The following HECTD4 variants were observed in gnomAD, a reference collection of about 807,000 sequenced individuals.
The protein encoded by HECTD4 is probable E3 ubiquitin-protein ligase HECTD4.
Under a neutral mutation model 471.5 loss-of-function variants are expected in HECTD4, and 114 were observed. The ratio of observed to expected loss-of-function variants is 0.24; its 90% CI spans 0.21 to 0.28. The LOEUF is 0.28. Ranked by LOEUF, HECTD4 falls within the 10% of genes least tolerant of loss-of-function variation. HECTD4 has a pLI of 1.00. For synonymous variants in HECTD4, 2,012 were observed against 2,256.0 expected (o/e 0.89, Z 3.07); for missense variants, 3,866 against 5,651.5 (o/e 0.68, Z 10.13).
chr12:112,250,309 G>A lies in HECTD4; in HGVS notation c.3785C>T (p.Pro1262Leu). 1.2e-6 allele frequency: 2 copies of A among 1,614,004 alleles called. No individual in the cohort carries two copies. The highest frequency in any genetic ancestry group is 1.7e-6 in the Non-Finnish European group (2 of 1,179,884). The change falls in exon 25 of 76, where the codon CCT becomes CTT. Residue 1262 changes from proline (P) to leucine (L), a missense_variant. Physicochemically the swap from Pro to Leu is moderately conservative, Grantham distance 98 (BLOSUM62 -3). Coordinates refer to ENST00000682272, the MANE Select transcript of HECTD4 (RefSeq NM_001388303.1). ...PALTPSPSPL[P>L]LTIEEDREFT... ...TTCTCTGTCTTCCTCTATGGTCAGA[G>A]GCAGTGGAGAGGGGCTCGGAGTAAG...
intron 7 of HECTD4, among the ~76,000 whole-genome samples, chr12:112,291,306 A>G (rs1326418873): frequency 6.6e-6 from 1 of 152,158 alleles, no homozygotes; most frequent in Non-Finnish European, 1.5e-5. Context: ...TTTCACCCCC[A>G]CATATTTCAG....
intron 1 of HECTD4, among the ~76,000 whole-genome samples, chr12:112,377,453 C>T (rs1368674821): frequency 6.6e-6 from 1 of 152,088 alleles, no homozygotes; most frequent in Non-Finnish European, 1.5e-5. Context: ...TTATTTTATC[C>T]ACTGCTATAT....
At chr12:112,268,040 G>A (rs2034320135) in intron 13 of HECTD4, among the ~76,000 whole-genome samples, 1 of 152,080 alleles carries the variant, frequency 6.6e-6, no homozygotes, top group Admixed American at 6.6e-5. Context: ...TGCCCAGACT[G>A]GTCTCAAACT....
chr12:112,259,289 C>G, intron 18 of HECTD4, 24 bp from the exon 19 acceptor site: 1 of 1,613,036 alleles, frequency 6.2e-7, no homozygotes, highest in Non-Finnish European at 8.5e-7. Flanking sequence ...AAGAAAAACA[C>G]ACAGCCTAAG....
intron 48 of HECTD4, among the ~76,000 whole-genome samples, chr12:112,214,232 G>A (rs2032848376): frequency 6.6e-6 from 1 of 152,168 alleles, no homozygotes. Context: ...AGAGAAGCCT[G>A]TCAATTGCAT....
chr12:112,325,063 A>C (rs1438909836), intron 1 of HECTD4, among the ~76,000 whole-genome samples: 3 of 152,192 alleles, frequency 2.0e-5, no homozygotes, highest in Non-Finnish European at 2.9e-5. Flanking sequence ...ATTAAACATG[A>C]GTACTTCTGA....
At chr12:112,370,822 T>C (rs1275407759) in intron 1 of HECTD4, among the ~76,000 whole-genome samples, 1 of 152,190 alleles carries the variant, frequency 6.6e-6, no homozygotes, top group Non-Finnish European at 1.5e-5. Context: ...GTGCTTAAAA[T>C]ACAGGATCAA....
intron 1 of HECTD4, among the ~76,000 whole-genome samples, chr12:112,335,635 CCA>C (rs1292797145): frequency 6.6e-6 from 1 of 152,002 alleles, no homozygotes; most frequent in Non-Finnish European, 1.5e-5. Flanking sequence ...TTGCAGTGAG[CCA>C]AGATCACACC....
At chr12:112,263,673 A>C (rs2034197985) in intron 17 of HECTD4, among the ~76,000 whole-genome samples, 1 of 151,514 alleles carries the variant, frequency 6.6e-6, no homozygotes, top group African/African-American at 2.4e-5. Context: ...TAAACCATCT[A>C]AAATTTTGAA....
intron 1 of HECTD4, among the ~76,000 whole-genome samples, chr12:112,350,282 T>C (rs2036227517): frequency 6.6e-6 from 1 of 152,180 alleles, no homozygotes; most frequent in Non-Finnish European, 1.5e-5. Flanking sequence ...CCAAATGTCT[T>C]CTTAGAACTC....
At chr12:112,196,157 G>A (rs1178996010) in intron 55 of HECTD4, among the ~76,000 whole-genome samples, 1 of 152,110 alleles carries the variant, frequency 6.6e-6, no homozygotes, top group African/African-American at 2.4e-5. Flanking sequence ...CAAAAACCTA[G>A]GCCCCAAACT....
In HECTD4 at chr12:112,162,547, A is replaced by G. The variant is rs1161466923; in HGVS notation, c.13121-24T>C. On this transcript the variant is annotated intron_variant, in intron 75 of 75. Transcript: ENST00000682272. The surrounding 1 kb of genome is among the most constrained non-coding windows in gnomAD (Gnocchi z 5.2). ...ACCTACAAGAAACCGAGCCAGCATC[A>G]GAGGGTTGGGCCCACATCTGTGAGG... 1.2e-6 allele frequency: 2 copies of G among 1,613,700 alleles called. No homozygotes were observed. Among genetic ancestry groups the G allele is most frequent in the Non-Finnish European group, 1.7e-6 (2 of 1,179,838 alleles).
chr12:112,231,784 T>C (rs2033387146), intron 38 of HECTD4, 69 bp from the exon 39 acceptor site: 1 of 1,330,326 alleles, frequency 7.5e-7, no homozygotes, highest in African/African-American at 1.5e-5. Flanking sequence ...TTCAAGTCTA[T>C]TTCCCCTCAA....
chr12:112,329,375 T>G (rs1031401011), intron 1 of HECTD4, among the ~76,000 whole-genome samples: 9 of 151,670 alleles, frequency 5.9e-5, no homozygotes, highest in Admixed American at 1.3e-4. Context: ...TTTTTGTTTT[T>G]TTTTTTTTTT....
chr12:112,352,853 T>C (rs986295747), intron 1 of HECTD4, among the ~76,000 whole-genome samples: 3 of 152,086 alleles, frequency 2.0e-5, no homozygotes, highest in Non-Finnish European at 4.4e-5. Flanking sequence ...GTTATGCTCT[T>C]GCCTCAGCCT....
At chr12:112,318,956 G>A (rs1308572283) in intron 2 of HECTD4, among the ~76,000 whole-genome samples, 1 of 152,166 alleles carries the variant, frequency 6.6e-6, no homozygotes, top group Non-Finnish European at 1.5e-5. Context: ...ATATGTCAAG[G>A]GTTGATTCTC....
intron 1 of HECTD4, among the ~76,000 whole-genome samples, chr12:112,324,475 C>T (rs1471534130): frequency 6.6e-6 from 1 of 151,970 alleles, no homozygotes; most frequent in Admixed American, 6.6e-5. Context: ...ATTAAATGTC[C>T]TTCACCATCA....
chr12:112,250,405 C>T, intron 24 of HECTD4, 28 bp from the exon 25 acceptor site: 1 of 1,484,682 alleles, frequency 6.7e-7, no homozygotes, highest in Non-Finnish European at 9.4e-7. Context: ...AGGCTCTTCA[C>T]TTCCTCTCTC....
At chr12:112,333,428 C>T (rs151144122) in intron 1 of HECTD4, among the ~76,000 whole-genome samples, 1 of 152,308 alleles carries the variant, frequency 6.6e-6, no homozygotes, top group East Asian at 1.9e-4. Flanking sequence ...GTAGTTTTAA[C>T]TTGCATTTCT....
Sources: allele counts gnomAD v4.1 joint callset (sites outside exome capture counted in the v4.1 genomes callset), GRCh38; gene constraint gnomAD v4.1.1; non-coding constraint Gnocchi (gnomAD v3.1); transcripts MANE v1.5; gene names NCBI Gene and HGNC (gene_info 2026-07-23, HGNC 2026-07-21).